Variants in PTPRG observed in about 807,000 individuals in gnomAD.
The protein encoded by PTPRG is protein tyrosine phosphatase receptor type G, also known as receptor-type tyrosine-protein phosphatase gamma.
A neutral mutation model predicts 165.3 loss-of-function variants in PTPRG; 102 were observed. The ratio of observed to expected loss-of-function variants is 0.62; its 90% CI spans 0.53 to 0.73. PTPRG has a LOEUF of 0.73. Ranked by LOEUF, PTPRG falls within the 30% of genes least tolerant of loss-of-function variation. The pLI, the probability that PTPRG is intolerant of heterozygous loss-of-function variation, is 0.00. For missense variants in PTPRG, 1,866 were observed against 1,861.4 expected, an observed-to-expected ratio of 1.00 and a Z score of -0.05; for synonymous variants, 675 against 669.5, an observed-to-expected ratio of 1.01 and a Z score of -0.13.
At chr3:61,935,301 CAGAT>C (rs1187668727) in intron 2 of PTPRG, among the ~76,000 whole-genome samples, 3 of 152,282 alleles carry the variant, frequency 2.0e-5, no homozygotes, top group Non-Finnish European at 4.4e-5. Flanking sequence ...TTGCAAGTAA[CAGAT>C]GGACAGAATA....
intron 5 of PTPRG, among the ~76,000 whole-genome samples, chr3:62,123,769 C>T (rs1013367966): frequency 9.2e-5 from 14 of 152,088 alleles, no homozygotes; most frequent in South Asian, 4.1e-4. Context: ...AATATATACA[C>T]GGCATTCAGT....
chr3:61,638,591 GTTT>G (rs34396141), intron 1 of PTPRG, among the ~76,000 whole-genome samples: 2,114 of 58,682 alleles, frequency 0.036, 24 homozygotes, highest in East Asian at 0.09. Flanking sequence ...TGCCTGGCTA[GTTT>G]TTTTTTTTTT....
chr3:62,031,919 A>T (rs7646132), intron 4 of PTPRG, among the ~76,000 whole-genome samples: 60,334 of 151,974 alleles, frequency 0.4, 12,246 homozygotes, highest in Middle Eastern at 0.51. Context: ...GTTTTAGATA[A>T]ATGTAGATAT....
intron 7 of PTPRG, 72 bp downstream of exon 7, chr3:62,157,296 A>G (rs1158602431): frequency 6.8e-7 from 1 of 1,471,612 alleles, no homozygotes; most frequent in Non-Finnish European, 9.4e-7. Flanking sequence ...CAGCATGGCT[A>G]GAGTATACCA....
intron 4 of PTPRG, among the ~76,000 whole-genome samples, chr3:62,037,975 G>T (rs996829678): frequency 2.0e-5 from 3 of 152,180 alleles, no homozygotes; most frequent in Admixed American, 6.5e-5. Context: ...TTTCAGGGGA[G>T]TAGGGGTGGG....
At chr3:61,730,007 T>TG (rs1298941481) in intron 1 of PTPRG, among the ~76,000 whole-genome samples, 1 of 152,232 alleles carries the variant, frequency 6.6e-6, no homozygotes, top group Non-Finnish European at 1.5e-5. Flanking sequence ...TCATTTCGTT[T>TG]GCTCCATGAA....
intron 16 of PTPRG, among the ~76,000 whole-genome samples, chr3:62,259,217 G>A (rs1701622277): frequency 6.6e-6 from 1 of 152,206 alleles, no homozygotes; most frequent in African/African-American, 2.4e-5. Context: ...CAGGGCTGCT[G>A]ATGATGTATA....
intron 2 of PTPRG, among the ~76,000 whole-genome samples, chr3:61,956,452 C>G (rs959834894): frequency 1.3e-5 from 2 of 152,156 alleles, no homozygotes; most frequent in Non-Finnish European, 2.9e-5. Context: ...CTCAGCCTCA[C>G]TACTCACTGA....
At chr3:61,618,078 A>G (rs1217981099) in intron 1 of PTPRG, among the ~76,000 whole-genome samples, 1 of 152,164 alleles carries the variant, frequency 6.6e-6, no homozygotes, top group Non-Finnish European at 1.5e-5. Context: ...GTGGTGGAAG[A>G]ACTATTCTTG....
chr3:62,225,365 G>T (rs898093672), intron 13 of PTPRG, among the ~76,000 whole-genome samples: 1 of 152,142 alleles, frequency 6.6e-6, no homozygotes, highest in Non-Finnish European at 1.5e-5. Context: ...GTTAATGCTG[G>T]GAGAGGAGCT....
intron 1 of PTPRG, among the ~76,000 whole-genome samples, chr3:61,586,942 A>G (rs925558044): frequency 6.6e-6 from 1 of 152,190 alleles, no homozygotes; most frequent in Non-Finnish European, 1.5e-5. Context: ...TGTAGGACAC[A>G]GAGCAGGTGT....
At chr3:62,084,516 C>G (rs1001969508) in intron 5 of PTPRG, among the ~76,000 whole-genome samples, 2 of 152,264 alleles carry the variant, frequency 1.3e-5, no homozygotes, top group Middle Eastern at 3.4e-3. Context: ...TTGCAAGTTG[C>G]GAACCCATTC....
intron 5 of PTPRG, among the ~76,000 whole-genome samples, chr3:62,102,119 G>A (rs897586810): frequency 1.3e-5 from 2 of 152,056 alleles, no homozygotes; most frequent in Non-Finnish European, 2.9e-5. Flanking sequence ...CTCATTGTGT[G>A]TTCTCACATG....
chr3:61,805,758 G>A (rs1339186607), intron 2 of PTPRG, among the ~76,000 whole-genome samples: 1 of 152,162 alleles, frequency 6.6e-6, no homozygotes, highest in East Asian at 1.9e-4. Flanking sequence ...CTGTGTGATT[G>A]GAAGGACAGA....
At chr3:62,288,136 T>TACTTA (rs1239581185) in intron 28 of PTPRG, among the ~76,000 whole-genome samples, 1 of 140,288 alleles carries the variant, frequency 7.1e-6, no homozygotes, top group African/African-American at 2.6e-5. Flanking sequence ...AGCCAAACTG[T>TACTTA]ACTTAAAAAA....
chr3:61,808,391 C>CCCCT (rs1188158092), intron 2 of PTPRG, among the ~76,000 whole-genome samples: 2 of 152,120 alleles, frequency 1.3e-5, no homozygotes, highest in African/African-American at 4.8e-5. Flanking sequence ...GTGGCACTCA[C>CCCCT]CCCTATTCCT....
At chr3:62,069,621 G>A (rs1701134242) in intron 4 of PTPRG, among the ~76,000 whole-genome samples, 1 of 151,312 alleles carries the variant, frequency 6.6e-6, no homozygotes, top group South Asian at 2.1e-4. Context: ...CAGAGAAAGA[G>A]AGCCATAGGA....
At chr3:61,564,615 G>A (rs565347305) in intron 1 of PTPRG, among the ~76,000 whole-genome samples, 20 of 152,236 alleles carry the variant, frequency 1.3e-4, no homozygotes, top group East Asian at 1.9e-4. Flanking sequence ...AGTGCAGCCC[G>A]AGAGGGAGCA....
chr3:61,591,621 G>A (rs1198464107), intron 1 of PTPRG, among the ~76,000 whole-genome samples: 1 of 152,222 alleles, frequency 6.6e-6, no homozygotes, highest in African/African-American at 2.4e-5. Flanking sequence ...GGAGTAGGAA[G>A]AGGAGAGGGC....
Sources: gnomAD v4.1 joint callset for allele counts (sites outside exome capture counted in the v4.1 genomes callset) on GRCh38, gnomAD v4.1.1 for gene constraint, MANE v1.5 for transcripts, NCBI Gene and HGNC (gene_info 2026-07-23, HGNC 2026-07-21) for gene names.